TAFA4: variants seen among roughly 807,000 people sequenced by gnomAD.
The protein encoded by TAFA4 is chemokine-like protein TAFA-4.
TAFA4 carries 20 observed loss-of-function variants against 21.1 expected under a neutral mutation model. The ratio of observed to expected loss-of-function variants is 0.95; its 90% CI spans 0.67 to 1.38. TAFA4 has a LOEUF of 1.38. Among genes scored for constraint, TAFA4 ranks in the 40% most tolerant of loss-of-function variants. TAFA4 has a pLI of 0.00. For synonymous variants in TAFA4, 71 were observed against 67.4 expected (o/e 1.05, Z -0.26); for missense variants, 211 against 180.9 (o/e 1.17, Z -0.95).
chr3:68,924,922 G>A (rs1221924626), intron 1 of TAFA4, among the ~76,000 whole-genome samples: 1 of 152,150 alleles, frequency 6.6e-6, no homozygotes, highest in Non-Finnish European at 1.5e-5. Flanking sequence ...ATGTTTAAAT[G>A]TTAACCAATG....
intron 1 of TAFA4, among the ~76,000 whole-genome samples, chr3:68,906,609 A>G (rs987082308): frequency 1.3e-5 from 2 of 152,136 alleles, no homozygotes; most frequent in African/African-American, 4.8e-5. Flanking sequence ...TCTCTTATCA[A>G]CAGCTCTAGG....
At chr3:68,794,424 G>A (rs77833458) in intron 3 of TAFA4, among the ~76,000 whole-genome samples, 13,693 of 152,042 alleles carry the variant, frequency 0.09, 775 homozygotes, top group African/African-American at 0.15. Flanking sequence ...TCTAACACCC[G>A]GCTTTAAAGT....
At chr3:68,861,647 C>T (rs2089346178) in intron 3 of TAFA4, among the ~76,000 whole-genome samples, 1 of 152,054 alleles carries the variant, frequency 6.6e-6, no homozygotes, top group Non-Finnish European at 1.5e-5. Flanking sequence ...TGGTTGAATT[C>T]ACCCCAGAGC....
intron 3 of TAFA4, among the ~76,000 whole-genome samples, chr3:68,819,274 TAAAAAAAAAAAA>T (rs59090610): frequency 1.8e-5 from 2 of 109,346 alleles, no homozygotes; most frequent in Non-Finnish European, 3.9e-5. Flanking sequence ...TGTCTTTAAT[TAAAAAAAAAAAA>T]AAAAAAAAAA....
intron 2 of TAFA4, among the ~76,000 whole-genome samples, chr3:68,882,486 G>T (rs971091535): frequency 6.6e-6 from 1 of 152,106 alleles, no homozygotes; most frequent in Non-Finnish European, 1.5e-5. Flanking sequence ...CCCTAGAAGG[G>T]TCTCCACAGT....
intron 3 of TAFA4, among the ~76,000 whole-genome samples, chr3:68,846,431 G>C (rs1704798811): frequency 1.3e-5 from 2 of 151,746 alleles, no homozygotes; most frequent in Admixed American, 6.6e-5. Context: ...TTTTTTCAAG[G>C]TTCTTAGTCT....
intron 1 of TAFA4, among the ~76,000 whole-genome samples, chr3:68,911,653 G>A (rs1314099187): frequency 1.3e-5 from 2 of 152,188 alleles, no homozygotes; most frequent in Non-Finnish European, 2.9e-5. Flanking sequence ...AATCAGGAAG[G>A]GAGACACAAA....
At chr3:68,924,794 A>C (rs1376031893) in intron 1 of TAFA4, among the ~76,000 whole-genome samples, 1 of 152,170 alleles carries the variant, frequency 6.6e-6, no homozygotes, top group African/African-American at 2.4e-5. Flanking sequence ...CATCCAGAGA[A>C]AGCTCTGATG....
chr3:68,833,396 TGTAC>T (rs1208738958), intron 3 of TAFA4, among the ~76,000 whole-genome samples: 2 of 152,176 alleles, frequency 1.3e-5, no homozygotes, highest in African/African-American at 4.8e-5. Context: ...GCAGATTCAG[TGTAC>T]GTACAGCCAG....
intron 3 of TAFA4, among the ~76,000 whole-genome samples, chr3:68,777,080 G>A (rs1286908859): frequency 6.6e-6 from 1 of 151,976 alleles, no homozygotes; most frequent in Non-Finnish European, 1.5e-5. Flanking sequence ...ATATGACACT[G>A]CATAGACATT....
At chr3:68,846,619 GC>G (rs1370806070) in intron 3 of TAFA4, among the ~76,000 whole-genome samples, 6 of 152,214 alleles carry the variant, frequency 3.9e-5, no homozygotes, top group African/African-American at 1.4e-4. Context: ...GGAATTTTCA[GC>G]CTTTTTGCAC....
chr3:68,858,220 A>G (rs1705114124), intron 3 of TAFA4, among the ~76,000 whole-genome samples: 1 of 152,172 alleles, frequency 6.6e-6, no homozygotes, highest in Admixed American at 6.5e-5. Context: ...AGGCTCACTC[A>G]TGAGCAAATG....
intron 3 of TAFA4, among the ~76,000 whole-genome samples, chr3:68,809,202 T>C (rs1190113542): frequency 6.6e-6 from 1 of 152,222 alleles, no homozygotes; most frequent in Non-Finnish European, 1.5e-5. Flanking sequence ...CATTTACAGG[T>C]ATTCTACTCA....
At chr3:68,825,481 C>G (rs1015715323) in intron 3 of TAFA4, among the ~76,000 whole-genome samples, 5 of 152,200 alleles carry the variant, frequency 3.3e-5, no homozygotes, top group Non-Finnish European at 5.9e-5. Flanking sequence ...CATTACAGCA[C>G]TATTACAAAA....
chr3:68,736,539 A>T (rs1313158281), intron 5 of TAFA4, among the ~76,000 whole-genome samples: 1 of 152,120 alleles, frequency 6.6e-6, no homozygotes, highest in East Asian at 1.9e-4. Flanking sequence ...AGACCATCTT[A>T]CCTTTAGCTT....
chr3:68,907,549 C>G (rs1245220038), intron 1 of TAFA4, among the ~76,000 whole-genome samples: 2 of 152,204 alleles, frequency 1.3e-5, no homozygotes, highest in African/African-American at 4.8e-5. Flanking sequence ...ACAGTGACAG[C>G]AAGTGCAGTT....
chr3:68,791,607 T>A (rs1286776994), intron 3 of TAFA4, among the ~76,000 whole-genome samples: 1 of 152,196 alleles, frequency 6.6e-6, no homozygotes, highest in Non-Finnish European at 1.5e-5. Context: ...TTATAACGTA[T>A]CATCACTTAA....
intron 3 of TAFA4, among the ~76,000 whole-genome samples, chr3:68,812,789 AC>A (rs1174668178): frequency 6.6e-6 from 1 of 152,288 alleles, no homozygotes; most frequent in East Asian, 1.9e-4. Context: ...TAAGAAGGAT[AC>A]CCAGGAATTG....
chr3:68,916,436 G>A (rs980938690), intron 1 of TAFA4, among the ~76,000 whole-genome samples: 5 of 151,976 alleles, frequency 3.3e-5, no homozygotes, highest in South Asian at 4.1e-4. Flanking sequence ...TTCCAAATCC[G>A]TTGTGTGGTT....
Sources: allele counts gnomAD v4.1 joint callset (sites outside exome capture counted in the v4.1 genomes callset), GRCh38; gene constraint gnomAD v4.1.1; transcripts MANE v1.5; gene names NCBI Gene and HGNC (gene_info 2026-07-23, HGNC 2026-07-21).